Variants in PCLO observed in about 807,000 individuals in gnomAD.
The protein encoded by PCLO is protein piccolo.
A neutral mutation model predicts 427.5 loss-of-function variants in PCLO; 82 were observed. The observed-to-expected ratio is 0.19, with a 90% CI of 0.16 to 0.23. The LOEUF is 0.23. PCLO is among the 10% of genes least tolerant of loss of function. The pLI is 1.00. For missense variants in PCLO, 6,239 were observed against 6,115.9 expected (o/e 1.02, Z -0.67); for synonymous variants, 2,357 against 2,155.4 (o/e 1.09, Z -2.59).
intron 3 of PCLO, among the ~76,000 whole-genome samples, chr7:83,118,875 C>G (rs1248336714): frequency 6.6e-6 from 1 of 152,120 alleles, no homozygotes; most frequent in Non-Finnish European, 1.5e-5. Context: ...GAGACACCAT[C>G]TGGGGGAAAC....
Position 82,871,370 on chromosome 7 carries a change from C to CG in PCLO, c.13654+7966_13654+7967insC, listed in dbSNP as rs1399579368. ...GCCAGACACAGAAAGACAAATATTA[C>CG]ATGTTCTCACTCATATGTGGGAGCT... On this transcript the variant is annotated intron_variant, in intron 10 of 24. Transcript: ENST00000333891. Among the ~76,000 whole-genome samples, 32 of 151,886 alleles carry CG rather than the reference C, an allele frequency of 2.1e-4. 1 individual carries two copies. The highest frequency in any genetic ancestry group is 4.6e-4 in the Non-Finnish European group (31 of 67,882).
intron 6 of PCLO, among the ~76,000 whole-genome samples, chr7:82,941,157 G>GA (rs1468163578): frequency 6.6e-6 from 1 of 151,712 alleles, no homozygotes; most frequent in Non-Finnish European, 1.5e-5. Flanking sequence ...TAAAATAGAA[G>GA]AAAATCCCTT....
intron 3 of PCLO, among the ~76,000 whole-genome samples, chr7:83,084,457 G>C (rs926185140): frequency 2.0e-5 from 3 of 152,002 alleles, no homozygotes; most frequent in African/African-American, 7.2e-5. Context: ...CAGCTTAAAA[G>C]CACCATGTCT....
At chr7:83,073,655 G>C (rs949734667) in intron 3 of PCLO, among the ~76,000 whole-genome samples, 1 of 151,854 alleles carries the variant, frequency 6.6e-6, no homozygotes, top group Non-Finnish European at 1.5e-5. Flanking sequence ...ATTCTAAATT[G>C]CTTAGGAAGT....
intron 22 of PCLO, among the ~76,000 whole-genome samples, chr7:82,781,582 C>G (rs1232297624): frequency 2.0e-5 from 3 of 151,424 alleles, no homozygotes; most frequent in African/African-American, 7.3e-5. Context: ...TGGTTTTCAT[C>G]CAGGGTTCCT....
At chr7:83,051,787 G>A (rs970894345) in intron 3 of PCLO, among the ~76,000 whole-genome samples, 2 of 152,026 alleles carry the variant, frequency 1.3e-5, no homozygotes, top group South Asian at 2.1e-4. Flanking sequence ...GGGCTGTCAC[G>A]ACACAGCTTC....
At chr7:83,082,939 G>C (rs945274222) in intron 3 of PCLO, among the ~76,000 whole-genome samples, 1 of 151,492 alleles carries the variant, frequency 6.6e-6, no homozygotes, top group Non-Finnish European at 1.5e-5. Context: ...CTCACCAAAA[G>C]AACAAAATAT....
At chr7:82,990,865 C>T (rs1463545207) in intron 3 of PCLO, among the ~76,000 whole-genome samples, 2 of 151,832 alleles carry the variant, frequency 1.3e-5, no homozygotes, top group Admixed American at 1.3e-4. Context: ...ATAAGATCAC[C>T]CCCAATGTCA....
intron 3 of PCLO, 32 bp downstream of exon 3, chr7:83,134,218 A>AATATATATATAT (rs61658777): frequency 1.5e-3 from 638 of 430,114 alleles, no homozygotes; most frequent in Admixed American, 5.2e-3. Context: ...CTCCATATGT[A>AATATATATATAT]ATATATATAT....
Position 82,955,064 on chromosome 7 carries a change from G to T in PCLO, c.5889C>A (p.Asp1963Glu), listed in dbSNP as rs774542576. 6 of 1,613,542 alleles carry T rather than the reference G, an allele frequency of 3.7e-6. No individual in the cohort carries two copies. In the African/African-American group the frequency reaches 8.0e-5, roughly 22 times the overall value. Reference sequence around the variant, plus strand: ...TGCCATCTACCGATCCATTGTACGTGTCTTCTACTAAAGATTCATAAATAT... The same window carrying T: ...TGCCATCTACCGATCCATTGTACGTTTCTTCTACTAAAGATTCATAAATAT... ...EDYIYESLVE[D>E]TYNGSVDGSL... Residue 1963 changes from aspartate (D) to glutamate (E), a missense_variant, in exon 5 of 25, where the codon GAC (aspartate) becomes GAA (glutamate). Coordinates refer to ENST00000333891, the MANE Select transcript of PCLO (RefSeq NM_033026.6).
chr7:83,155,069 A>G lies in PCLO; in HGVS notation c.1572T>C (p.Pro524=). 6.3e-7 allele frequency: 1 copy of G among 1,595,762 alleles called. No individual in the cohort carries two copies. Among genetic ancestry groups the G allele is most frequent in the Middle Eastern group, 1.7e-4 (1 of 5,884 alleles). The change falls in exon 2 of 25, where the codon CCT becomes CCC. Residue 524 remains proline, a synonymous_variant. Coordinates refer to ENST00000333891, the MANE Select transcript of PCLO (RefSeq NM_033026.6). ...GTTGAGATGGGGGTTTTGTTGAGCC[A>G]GGCTGTTGAGGTGAGGGCTTTGCTG... ...PGPAKPSPQQ[P]GSTKPPSQQP... is the part of the protein sequence containing the mutation.
rs778962821 is a variant in PCLO, at chr7:82,951,372, T to G, written c.9216A>C (p.Pro3072=). 11 of 1,605,014 alleles carry G rather than the reference T, an allele frequency of 6.9e-6. No individual in the cohort carries two copies. The highest frequency in any genetic ancestry group is 9.4e-6 in the Non-Finnish European group (11 of 1,175,246). The change falls in exon 6 of 25, where the codon CCA becomes CCC. Residue 3072 remains proline (P), a synonymous_variant. Coordinates refer to ENST00000333891, the MANE Select transcript of PCLO (RefSeq NM_033026.6). The part of the protein sequence containing the change: ...QYSTARMTPP[P]GPQYCVGSVL... ...CACTCCCCACACAATACTGGGGTCC[T>G]GGTGGTGGTGTCATTCTTGCTGTGG...
chr7:83,131,299 C>T (rs116193013), intron 3 of PCLO, among the ~76,000 whole-genome samples: 111 of 152,268 alleles, frequency 7.3e-4, no homozygotes, highest in African/African-American at 2.6e-3. Flanking sequence ...TGAGGTCTGG[C>T]TGCACCCCAG....
chr7:83,138,842 G>A (rs1791794771), intron 2 of PCLO, among the ~76,000 whole-genome samples: 1 of 151,918 alleles, frequency 6.6e-6, no homozygotes, highest in Admixed American at 6.6e-5. Context: ...TGGGGAAATA[G>A]GGGGTGATAG....
At chr7:82,903,317 TATAA>T (rs1435843812) in intron 8 of PCLO, among the ~76,000 whole-genome samples, 18 of 152,044 alleles carry the variant, frequency 1.2e-4, no homozygotes, top group Middle Eastern at 3.4e-3. Flanking sequence ...ACTAATTCTA[TATAA>T]ATAAATAAAG....
rs576445717 is a variant in PCLO, at chr7:82,872,083, C to T, written c.13654+7254G>A. 1.4e-4 allele frequency among the ~76,000 whole-genome samples: 22 copies of T among 152,002 alleles called. 1 individual carries two copies. The highest frequency in any genetic ancestry group is 5.1e-4 in the African/African-American group (21 of 41,510). On this transcript the variant is annotated intron_variant, in intron 10 of 24. Transcript: ENST00000333891. ...GGAGAATTTCCTAAACAGTGCAACA[C>T]ATTTACAAAACTTAATTGAAACAAA...
intron 3 of PCLO, among the ~76,000 whole-genome samples, chr7:83,001,913 T>C (rs889632046): frequency 1.4e-4 from 22 of 151,970 alleles, no homozygotes; most frequent in African/African-American, 5.1e-4. Flanking sequence ...ACATAAAGGT[T>C]TGGGATTCTG....
At chr7:83,071,882 T>C (rs1402375294) in intron 3 of PCLO, among the ~76,000 whole-genome samples, 1 of 152,154 alleles carries the variant, frequency 6.6e-6, no homozygotes, top group African/African-American at 2.4e-5. Context: ...TATATCTGAC[T>C]TTAGAGTACA....
intron 9 of PCLO, among the ~76,000 whole-genome samples, chr7:82,899,744 TA>T (rs1194928601): frequency 1.3e-5 from 2 of 151,614 alleles, no homozygotes; most frequent in African/African-American, 4.8e-5. Context: ...AGCTGGCATT[TA>T]TTTTTGTAAT....
Sources: gnomAD v4.1 joint callset for allele counts (sites outside exome capture counted in the v4.1 genomes callset) on GRCh38, gnomAD v4.1.1 for gene constraint, MANE v1.5 for transcripts, NCBI Gene and HGNC (gene_info 2026-07-23, HGNC 2026-07-21) for gene names.